Variants in NRG1 observed in about 807,000 individuals in gnomAD.
NRG1 encodes the protein pro-neuregulin-1, membrane-bound isoform.
A neutral mutation model predicts 63.8 loss-of-function variants in NRG1; 18 were observed. The observed-to-expected ratio is 0.28, with a 90% CI of 0.19 to 0.42. The LOEUF (loss-of-function observed/expected upper bound fraction) is 0.42. Among genes scored for constraint, NRG1 ranks in the 10% least tolerant of loss-of-function variants. The pLI, the probability that NRG1 is intolerant of heterozygous loss-of-function variation, is 1.00. For synonymous variants in NRG1, 302 were observed against 301.3 expected, an observed-to-expected ratio of 1.00 and a Z score of -0.02; for missense variants, 762 against 814.7, an observed-to-expected ratio of 0.94 and a Z score of 0.79.
At chr8:32,241,645 G>A (rs1487502141) in intron 1 of NRG1, among the ~76,000 whole-genome samples, 1 of 152,108 alleles carries the variant, frequency 6.6e-6, no homozygotes, top group African/African-American at 2.4e-5. Context: ...CTTTGACATT[G>A]TATGAGATCC....
chr8:32,595,650 A>T (rs1843224191), intron 1 of NRG1, among the ~76,000 whole-genome samples, 178 bp from the exon 2 acceptor site: 1 of 152,152 alleles, frequency 6.6e-6, no homozygotes, highest in African/African-American at 2.4e-5. Flanking sequence ...TTATTTGGGC[A>T]TTTTATTTTT....
chr8:32,610,592 A>T (rs1846205093), intron 3 of NRG1, among the ~76,000 whole-genome samples: 1 of 152,178 alleles, frequency 6.6e-6, no homozygotes, highest in Admixed American at 6.5e-5. Context: ...AACAGTGGCC[A>T]TACTTATACT....
intron 9 of NRG1, among the ~76,000 whole-genome samples, chr8:32,757,804 G>A (rs1011934949): frequency 2.6e-5 from 4 of 152,150 alleles, no homozygotes; most frequent in African/African-American, 9.7e-5. Flanking sequence ...GAGACTCCTT[G>A]TGAGCCTTAA....
intron 1 of NRG1, among the ~76,000 whole-genome samples, chr8:32,154,774 A>G (rs886172659): frequency 1.3e-5 from 2 of 152,206 alleles, no homozygotes; most frequent in Non-Finnish European, 2.9e-5. Flanking sequence ...AAACCAGCAC[A>G]TATTCCCTTT....
intron 1 of NRG1, among the ~76,000 whole-genome samples, chr8:32,249,485 A>T (rs749132088): frequency 5.3e-5 from 8 of 152,106 alleles, no homozygotes; most frequent in South Asian, 2.1e-4. Context: ...AAACAGACAA[A>T]CAGAAAAGCG....
At chr8:32,075,472 C>T (rs1036474689) in intron 1 of NRG1, among the ~76,000 whole-genome samples, 2 of 151,588 alleles carry the variant, frequency 1.3e-5, no homozygotes, top group Admixed American at 1.3e-4. Flanking sequence ...CCTTTTTTTC[C>T]AATGTATTCC....
chr8:32,461,361 T>C (rs555242740), intron 1 of NRG1, among the ~76,000 whole-genome samples: 1 of 152,248 alleles, frequency 6.6e-6, no homozygotes, highest in Non-Finnish European at 1.5e-5. Flanking sequence ...CTATAGCTGT[T>C]GTCTATAAGG....
chr8:32,508,837 G>A (rs1828845527), intron 1 of NRG1, among the ~76,000 whole-genome samples: 1 of 151,928 alleles, frequency 6.6e-6, no homozygotes, highest in Admixed American at 6.6e-5. Flanking sequence ...CCAGGTTCAA[G>A]CAATTCTCAG....
At chr8:31,820,901 C>T (rs975878292) in intron 1 of NRG1, among the ~76,000 whole-genome samples, 1 of 152,020 alleles carries the variant, frequency 6.6e-6, no homozygotes, top group Non-Finnish European at 1.5e-5. Context: ...GAGTGGTATA[C>T]GGAGGTATAG....
chr8:32,360,376 A>G (rs980203925), intron 1 of NRG1, among the ~76,000 whole-genome samples: 1 of 152,232 alleles, frequency 6.6e-6, no homozygotes, highest in Non-Finnish European at 1.5e-5. Flanking sequence ...TATGCTAAAT[A>G]CCAATTCTCT....
chr8:31,975,525 T>C (rs1808021646), intron 1 of NRG1, among the ~76,000 whole-genome samples: 1 of 152,184 alleles, frequency 6.6e-6, no homozygotes, highest in Admixed American at 6.5e-5. Context: ...ACTAAACTCA[T>C]GGGAGTACTG....
intron 1 of NRG1, among the ~76,000 whole-genome samples, chr8:32,213,390 C>T (rs1440541370): frequency 6.6e-6 from 1 of 152,110 alleles, no homozygotes; most frequent in East Asian, 1.9e-4. Context: ...CATGTTCTTA[C>T]TTATAAATGG....
chr8:32,182,590 G>T (rs934179341), intron 1 of NRG1, among the ~76,000 whole-genome samples: 1 of 152,132 alleles, frequency 6.6e-6, no homozygotes. Context: ...GTCTGGTGTG[G>T]TCGATCAAGA....
intron 1 of NRG1, among the ~76,000 whole-genome samples, chr8:32,218,851 T>G (rs1586166175): frequency 6.6e-6 from 1 of 152,308 alleles, no homozygotes; most frequent in East Asian, 1.9e-4. Flanking sequence ...TTCATTTATC[T>G]CAGGGAGCAA....
chr8:32,384,705 C>T (rs532435035), intron 1 of NRG1, among the ~76,000 whole-genome samples: 3 of 152,244 alleles, frequency 2.0e-5, no homozygotes, highest in South Asian at 4.2e-4. Flanking sequence ...TCTTAAAATC[C>T]AACACCACCA....
rs918139453 is a variant in NRG1 at position 32,135,436 on chromosome 8, A to G, written c.38-460392A>G. Reference sequence around the variant, plus strand: ...GGTAGTGGTGGTAGTGAAGATGCATAGGAGTTTCTGAGCTTGTTTTGGAGG... The same window carrying G: ...GGTAGTGGTGGTAGTGAAGATGCATGGGAGTTTCTGAGCTTGTTTTGGAGG... On this transcript the variant is annotated intron_variant, in intron 1 of 10. Coordinates refer to the NRG1 transcript ENST00000519301. Among the ~76,000 whole-genome samples, 7 of 152,086 alleles carry G rather than the reference A, an allele frequency of 4.6e-5. No homozygotes were observed. In the South Asian group the frequency reaches 6.2e-4, roughly 14 times the overall value.
At chr8:32,648,502 A>T in intron 5 of NRG1, 1 of 1,415,020 alleles carries the variant, frequency 7.1e-7, no homozygotes, top group Non-Finnish European at 9.4e-7. Context: ...TGTTTAAGCA[A>T]AGCCTATGTT....
chr8:32,623,258 C>T (rs558636993), intron 5 of NRG1, among the ~76,000 whole-genome samples: 2 of 152,132 alleles, frequency 1.3e-5, no homozygotes, highest in South Asian at 4.1e-4. Context: ...GAATTTAGAC[C>T]CATGGCTCTT....
chr8:32,620,481 A>G (rs956009830), intron 5 of NRG1, among the ~76,000 whole-genome samples: 1 of 151,158 alleles, frequency 6.6e-6, no homozygotes, highest in Non-Finnish European at 1.5e-5. Context: ...ACAGCCCCCA[A>G]AGTTCCCTTT....
Sources: allele counts gnomAD v4.1 joint callset (sites outside exome capture counted in the v4.1 genomes callset), GRCh38; gene constraint gnomAD v4.1.1; transcripts MANE v1.5; gene names NCBI Gene and HGNC (gene_info 2026-07-23, HGNC 2026-07-21).